UBE2U: variants seen among roughly 807,000 people sequenced by gnomAD.
UBE2U encodes the protein ubiquitin conjugating enzyme E2 U, also known as ubiquitin-conjugating enzyme E2 U.
In UBE2U, 39 loss-of-function variants were observed where a neutral mutation model predicts 41.2. That is an observed-to-expected ratio of 0.95 (90% CI 0.73 to 1.24). The LOEUF (loss-of-function observed/expected upper bound fraction) is 1.24, where lower values mean the gene tolerates loss of function less well. UBE2U is among the 50% of genes most tolerant of loss of function. The pLI, the probability that UBE2U is intolerant of heterozygous loss-of-function variation, is 0.00. For synonymous variants in UBE2U, 107 were observed against 117.8 expected, an observed-to-expected ratio of 0.91 and a Z score of 0.60; for missense variants, 336 against 363.1, an observed-to-expected ratio of 0.93 and a Z score of 0.61.
chr1:64,248,437 A>C (rs1370465251), intron 8 of UBE2U, among the ~76,000 whole-genome samples: 2 of 152,220 alleles, frequency 1.3e-5, no homozygotes, highest in Admixed American at 6.5e-5. Context: ...TACTAATGGA[A>C]GGATACAGTA....
chr1:64,230,435 A>G (rs1376568881), intron 6 of UBE2U, among the ~76,000 whole-genome samples: 1 of 152,154 alleles, frequency 6.6e-6, no homozygotes, highest in Non-Finnish European at 1.5e-5. Flanking sequence ...GCCCAGTTTC[A>G]CTTATCAATT....
chr1:64,213,124 C>G (rs967747987), intron 4 of UBE2U, among the ~76,000 whole-genome samples: 5 of 152,182 alleles, frequency 3.3e-5, no homozygotes, highest in Non-Finnish European at 7.4e-5. Flanking sequence ...ACCTTCTCCA[C>G]AGGTGTAAGC....
chr1:64,239,208 C>A (rs1367284772), intron 7 of UBE2U, among the ~76,000 whole-genome samples: 1 of 147,976 alleles, frequency 6.8e-6, no homozygotes, highest in Non-Finnish European at 1.5e-5. Context: ...CAGACAAGGA[C>A]AAGACTGGTG....
intron 8 of UBE2U, among the ~76,000 whole-genome samples, chr1:64,258,480 C>T (rs368022653): frequency 1.5e-4 from 22 of 151,232 alleles, no homozygotes; most frequent in African/African-American, 5.1e-4. Flanking sequence ...CATCCCCCCA[C>T]CCCAAGACAG....
chr1:64,244,379 AT>A (rs561831129), intron 8 of UBE2U: 6,808 of 639,296 alleles, frequency 0.011, 57 homozygotes, highest in Non-Finnish European at 0.012. Flanking sequence ...TAAAATAAAA[AT>A]TAATATAGCA....
At chr1:64,248,536 A>G (rs540310308) in intron 8 of UBE2U, among the ~76,000 whole-genome samples, 20 of 151,796 alleles carry the variant, frequency 1.3e-4, no homozygotes, top group Non-Finnish European at 2.1e-4. Context: ...GAAACTTAAA[A>G]ATGAACAAGC....
intron 7 of UBE2U, among the ~76,000 whole-genome samples, chr1:64,239,145 A>AAGGAGAAGG (rs1557730665): frequency 1.2e-3 from 30 of 25,100 alleles, no homozygotes; most frequent in African/African-American, 5.9e-3. Flanking sequence ...GAAGAAGAAG[A>AAGGAGAAGG]AGAAGAAGAA....
intron 8 of UBE2U, among the ~76,000 whole-genome samples, chr1:64,259,689 A>T (rs958715993): frequency 7.2e-5 from 11 of 152,130 alleles, no homozygotes; most frequent in Non-Finnish European, 1.3e-4. Flanking sequence ...CCCAAAAAGT[A>T]GTCGTCCCCC....
chr1:64,221,555 A>G (rs541332695), intron 6 of UBE2U, among the ~76,000 whole-genome samples: 51 of 152,320 alleles, frequency 3.3e-4, no homozygotes, highest in Admixed American at 1.4e-3. Flanking sequence ...GGCTGAAGCC[A>G]TTGTACCTTT....
In UBE2U at chr1:64,210,766, G is replaced by A. The variant is rs774472046; in HGVS notation, c.266G>A (p.Cys89Tyr). The change falls in exon 4 of 10, where the codon TGT becomes TAT. Residue 89 changes from cysteine to tyrosine, a missense_variant. By Grantham distance (194) the Cys-to-Tyr change is radical (BLOSUM62 -2). Transcript: ENST00000371077. ...GTAGACCCACACACTGGTCAGCCCT[G>A]TATAGACTTTTTGGACAACCCTGAG... Reference protein sequence around the residue: ...PNVDPHTGQPCIDFLDNPEKW... With the variant: ...PNVDPHTGQPYIDFLDNPEKW... 1.3e-5 allele frequency: 21 copies of A among 1,603,256 alleles called. No individual in the cohort carries two copies. Among genetic ancestry groups the A allele is most frequent in the Non-Finnish European group, 1.6e-5 (19 of 1,173,530 alleles).
chr1:64,231,199 G>A (rs541380342), intron 6 of UBE2U, among the ~76,000 whole-genome samples: 2 of 151,804 alleles, frequency 1.3e-5, no homozygotes, highest in African/African-American at 2.4e-5. Flanking sequence ...CCCTGGGAAG[G>A]GAAAAGGTCA....
In UBE2U at chr1:64,210,749, A is replaced by G. The variant is rs756180464; in HGVS notation, c.249A>G (p.Pro83=). The stretch of plus-strand genomic sequence containing the variant: ...TGTATTATTTTAATACAGTAGACCC[A>G]CACACTGGTCAGCCCTGTATAGACT... The part of the protein sequence containing the change: ...ITIPFHPNVD[P]HTGQPCIDFL... Residue 83 remains proline (P), a synonymous_variant, in exon 4 of 10, where the codon CCA becomes CCG. Transcript: ENST00000371077. 1.7e-5 allele frequency: 26 copies of G among 1,571,992 alleles called. No individual in the cohort carries two copies. The highest frequency in any genetic ancestry group is 7.2e-5 in the Admixed American group (4 of 55,422).
chr1:64,260,790 A>C, intron 9 of UBE2U, 96 bp downstream of exon 9: 1 of 922,942 alleles, frequency 1.1e-6, no homozygotes, highest in African/African-American at 1.7e-5. Flanking sequence ...GTAAGTTGGA[A>C]TATATGAGGG....
intron 7 of UBE2U, among the ~76,000 whole-genome samples, chr1:64,237,521 C>T (rs1261392596): frequency 6.6e-6 from 1 of 152,196 alleles, no homozygotes; most frequent in Non-Finnish European, 1.5e-5. Context: ...CTCTCTGTCT[C>T]TCTCCTGTCC....
At chr1:64,226,313 G>C (rs1652862501) in intron 6 of UBE2U, among the ~76,000 whole-genome samples, 1 of 152,182 alleles carries the variant, frequency 6.6e-6, no homozygotes, top group Non-Finnish European at 1.5e-5. Flanking sequence ...TCTAGGACAG[G>C]CAAAACTAAT....
At chr1:64,228,855 A>ATTTT (rs56873849) in intron 6 of UBE2U, among the ~76,000 whole-genome samples, 4 of 93,896 alleles carry the variant, frequency 4.3e-5, no homozygotes, top group Non-Finnish European at 5.8e-5. Flanking sequence ...TGCCCAGGTA[A>ATTTT]TTTTTTTTTT....
intron 7 of UBE2U, among the ~76,000 whole-genome samples, chr1:64,238,036 C>G (rs941868195): frequency 6.6e-6 from 1 of 152,216 alleles, no homozygotes; most frequent in African/African-American, 2.4e-5. Flanking sequence ...CTCAACCTCT[C>G]TATGTCTGTT....
At chr1:64,238,298 A>G (rs1326960417) in intron 7 of UBE2U, among the ~76,000 whole-genome samples, 1 of 151,964 alleles carries the variant, frequency 6.6e-6, no homozygotes, top group Non-Finnish European at 1.5e-5. Context: ...CCAGCTGCTC[A>G]CTGGCTGAGG....
At chr1:64,263,977 A>G (rs1338454427) in intron 9 of UBE2U, among the ~76,000 whole-genome samples, 1 of 152,172 alleles carries the variant, frequency 6.6e-6, no homozygotes, top group Non-Finnish European at 1.5e-5. Context: ...GCATCAGACT[A>G]AAGTGGGTCA....
Sources: gnomAD v4.1 joint callset for allele counts (sites outside exome capture counted in the v4.1 genomes callset) on GRCh38, gnomAD v4.1.1 for gene constraint, MANE v1.5 for transcripts, NCBI Gene and HGNC (gene_info 2026-07-23, HGNC 2026-07-21) for gene names.